NLRP12: variants seen among roughly 807,000 people sequenced by gnomAD.
NLRP12 encodes the protein NLR family pyrin domain containing 12, also known as NACHT, LRR and PYD domains-containing protein 12.
A neutral mutation model predicts 91.2 loss-of-function variants in NLRP12; 108 were observed. The observed-to-expected ratio is 1.18, with a 90% CI of 1.01 to 1.39. NLRP12 has a LOEUF of 1.39. Among genes scored for constraint, NLRP12 ranks in the 40% most tolerant of loss-of-function variants. NLRP12 has a pLI of 0.00. For synonymous variants in NLRP12, 613 were observed against 566.7 expected (o/e 1.08, Z -1.16); for missense variants, 1,530 against 1,352.7 (o/e 1.13, Z -2.06).
At chr19:53,806,744 G>A (rs1033215987) in intron 4 of NLRP12, among the ~76,000 whole-genome samples, 19 of 142,594 alleles carry the variant, frequency 1.3e-4, no homozygotes, top group Non-Finnish European at 2.7e-4. Flanking sequence ...TGTTTTCCCA[G>A]CTACTCGTGA....
Position 53,801,230 on chromosome 19 carries a change from A to G in NLRP12, c.2753T>C (p.Leu918Pro), listed in dbSNP as rs777228735. The change falls in exon 7 of 10, where the codon CTG becomes CCG. Residue 918 changes from leucine (L) to proline (P), a missense_variant. By Grantham distance (98) the Leu-to-Pro change is moderately conservative. Transcript: ENST00000324134. ...LRHPTCKLQT[L>P]RLGICRLGSA... ...TGGTGAGCAAAACGGGACTCACCGC[A>G]GGGTCTGGAGCTTGCACGTGGGATG... 1.4e-5 allele frequency: 23 copies of G among 1,613,702 alleles called. No individual in the cohort carries two copies. The highest frequency in any genetic ancestry group is 2.2e-5 in the East Asian group (1 of 44,868).
chr19:53,822,534 C>A (rs2092275726), intron 1 of NLRP12, among the ~76,000 whole-genome samples: 1 of 151,900 alleles, frequency 6.6e-6, no homozygotes, highest in South Asian at 2.1e-4. Flanking sequence ...AGTTCAAGAC[C>A]AGCCTGGCCA....
chr19:53,819,885 G>C (rs1230825147), intron 1 of NLRP12, among the ~76,000 whole-genome samples: 1 of 145,682 alleles, frequency 6.9e-6, no homozygotes, highest in East Asian at 2.0e-4. Context: ...GGGAAGGAAA[G>C]GGAAAAGAAG....
chr19:53,800,691 T>C (rs1302801372), intron 7 of NLRP12, among the ~76,000 whole-genome samples: 2 of 151,834 alleles, frequency 1.3e-5, no homozygotes, highest in East Asian at 3.9e-4. Context: ...CAACGGATTC[T>C]CCTGCCTCAG....
intron 1 of NLRP12, among the ~76,000 whole-genome samples, chr19:53,817,160 G>T (rs2092173189): frequency 6.6e-6 from 1 of 151,962 alleles, no homozygotes. Flanking sequence ...TGGGCATGGT[G>T]GCAGGCACCT....
chr19:53,795,710 A>G, intron 9 of NLRP12, 149 bp downstream of exon 9: 1 of 760,068 alleles, frequency 1.3e-6, no homozygotes, highest in Non-Finnish European at 2.3e-6. Context: ...CACAGCCAGT[A>G]GATGACATAG....
rs2092037473 is a variant in NLRP12, at chr19:53,810,030, C to T, written c.1629G>A (p.Arg543=). The T allele has an allele frequency of 2.5e-6, 4 of 1,614,116 alleles. No homozygotes were observed. The East Asian group carries it at 8.9e-5, about 36-fold the overall frequency. Residue 543 remains arginine (R), a synonymous_variant, in exon 3 of 10, where the codon AGG becomes AGA. Transcript: ENST00000324134. ...CAGAAAACGCGTACTCGGTCAACAG[C>T]CTGGTCACGTCCTGGTCTGGGCCTG... ...GGAGPDQDVT[R]LLTEYAFSER...
At chr19:53,809,475 G>T in intron 3 of NLRP12, 112 bp downstream of exon 3, 2 of 1,118,266 alleles carry the variant, frequency 1.8e-6, no homozygotes, top group Non-Finnish European at 2.5e-6. Context: ...AGGTTGCAGT[G>T]AGCTGAGGTC....
intron 6 of NLRP12, among the ~76,000 whole-genome samples, chr19:53,801,641 CAG>C (rs2091876697): frequency 6.6e-6 from 1 of 151,420 alleles, no homozygotes; most frequent in Non-Finnish European, 1.5e-5. Flanking sequence ...TTAGTAGAGA[CAG>C]GGTTTCTCGC....
At chr19:53,822,641 G>A (rs1234999264) in intron 1 of NLRP12, among the ~76,000 whole-genome samples, 1 of 151,430 alleles carries the variant, frequency 6.6e-6, no homozygotes, top group East Asian at 2.0e-4. Context: ...GGGATGCTGA[G>A]GCAGAAAATT....
chr19:53,811,235 C>A lies in NLRP12; in HGVS notation c.424G>T (p.Asp142Tyr), dbSNP rs34330210. Reference protein sequence around the residue: ...YVRRKFRLMEDRNARLGECVN... With the variant: ...YVRRKFRLMEYRNARLGECVN... Reference sequence around the variant, plus strand: ...CATTCCCCTAGGCGCGCATTGCGGTCTTCCATGAGCCGGAATTTCCTGCGG... The same window carrying A: ...CATTCCCCTAGGCGCGCATTGCGGTATTCCATGAGCCGGAATTTCCTGCGG... Residue 142 changes from aspartate to tyrosine, a missense_variant, in exon 3 of 10, where the codon GAC becomes TAC. By Grantham distance (160) the Asp-to-Tyr change is radical. Transcript: ENST00000324134. The A allele has an allele frequency of 4.3e-6, 7 of 1,613,904 alleles. No homozygotes were observed. The South Asian group carries it at 7.7e-5, about 18-fold the overall frequency.
chr19:53,816,196 A>G (rs1392103032), intron 1 of NLRP12, among the ~76,000 whole-genome samples: 1 of 151,976 alleles, frequency 6.6e-6, no homozygotes, highest in Non-Finnish European at 1.5e-5. Context: ...ACTCCATGAG[A>G]AAGTCTTCCC....
intron 4 of NLRP12, among the ~76,000 whole-genome samples, chr19:53,806,026 G>T (rs2091953293): frequency 6.9e-6 from 1 of 145,840 alleles, no homozygotes. Context: ...CTGAGGTCAG[G>T]AGTTTATGAC....
At chr19:53,801,468 T>C (rs1280080619) in intron 6 of NLRP12, 71 bp from the exon 7 acceptor site, 1 of 1,475,362 alleles carries the variant, frequency 6.8e-7, no homozygotes, top group East Asian at 2.5e-5. Context: ...TTTTTTTTTT[T>C]TGAGACAGAG....
At chr19:53,807,755 G>A in intron 3 of NLRP12, 90 bp from the exon 4 acceptor site, 1 of 1,471,424 alleles carries the variant, frequency 6.8e-7, no homozygotes, top group Non-Finnish European at 9.4e-7. Context: ...TATGAAGCAT[G>A]CTATCCTTTT....
intron 1 of NLRP12, among the ~76,000 whole-genome samples, chr19:53,819,365 C>T (rs1379664047): frequency 2.1e-5 from 3 of 143,314 alleles, no homozygotes; most frequent in South Asian, 2.2e-4. Flanking sequence ...CTGCCTCAGC[C>T]TCCCAAGTAG....
Position 53,793,845 on chromosome 19 carries a change from G to T in NLRP12, c.*204C>A. The T allele has an allele frequency of 1.5e-6, 1 of 645,350 alleles. No homozygotes were observed. Among genetic ancestry groups the T allele is most frequent in the East Asian group, 2.8e-5 (1 of 36,254 alleles). The allele number at this position is 645,350 out of a possible 1,614,324, so 40.0% of individuals were successfully genotyped here. A position where few individuals can be genotyped will look rare whatever the true frequency, so the allele number is the denominator to read the frequency against. ...CGTGATCCACCTGCCTCGGCCTCTC[G>T]AAGTGCTAGGATTACATACATGAGC... On this transcript the variant is annotated 3_prime_UTR_variant, in exon 10 of 10. Coordinates refer to ENST00000324134, the MANE Select transcript of NLRP12 (RefSeq NM_144687.4).
intron 8 of NLRP12, among the ~76,000 whole-genome samples, chr19:53,797,807 C>T (rs919583364): frequency 6.6e-6 from 1 of 151,508 alleles, no homozygotes; most frequent in African/African-American, 2.4e-5. Flanking sequence ...GGCATGATCT[C>T]GGCTCACTGA....
chr19:53,807,059 C>T (rs1210399595), intron 4 of NLRP12, among the ~76,000 whole-genome samples: 2 of 151,170 alleles, frequency 1.3e-5, no homozygotes, highest in African/African-American at 2.4e-5. Flanking sequence ...GTGAAGCCAC[C>T]CAGTCTTTGG....
Sources: allele counts gnomAD v4.1 joint callset (sites outside exome capture counted in the v4.1 genomes callset), GRCh38; gene constraint gnomAD v4.1.1; transcripts MANE v1.5; gene names NCBI Gene and HGNC (gene_info 2026-07-23, HGNC 2026-07-21).